ANKRD30BL: variants seen among roughly 807,000 people sequenced by gnomAD.
ANKRD30BL encodes the protein putative ankyrin repeat domain-containing protein 30B-like.
In ANKRD30BL, 20 loss-of-function variants were observed where a neutral mutation model predicts 18.4. The observed-to-expected ratio is 1.09, with a 90% CI of 0.77 to 1.58. The LOEUF (loss-of-function observed/expected upper bound fraction) is 1.58. Among genes scored for constraint, ANKRD30BL ranks in the 40% most tolerant of loss-of-function variants. The pLI, the probability that ANKRD30BL is intolerant of heterozygous loss-of-function variation, is 0.00. For synonymous variants in ANKRD30BL, 72 were observed against 100.9 expected, an observed-to-expected ratio of 0.71 and a Z score of 1.72; for missense variants, 224 against 268.6, an observed-to-expected ratio of 0.83 and a Z score of 1.16.
chr2:132,254,073 C>T (rs79098821), intron 1 of ANKRD30BL, among the ~76,000 whole-genome samples: 1 of 147,818 alleles, frequency 6.8e-6, no homozygotes, highest in African/African-American at 2.6e-5. Context: ...CGCCCACCGA[C>T]ACACACATGG....
At chr2:132,245,314 T>C (rs202160571) in intron 1 of ANKRD30BL, among the ~76,000 whole-genome samples, 1 of 152,250 alleles carries the variant, frequency 6.6e-6, no homozygotes, top group Non-Finnish European at 1.5e-5. Context: ...AACTTCTTTG[T>C]GATGTTTGCA....
At chr2:132,212,488 A>G (rs533218817) in intron 1 of ANKRD30BL, among the ~76,000 whole-genome samples, 1 of 152,068 alleles carries the variant, frequency 6.6e-6, no homozygotes, top group South Asian at 2.1e-4. Flanking sequence ...AAAACTGTTC[A>G]GAAACATTCT....
chr2:132,182,368 G>A (rs1251947649), intron 1 of ANKRD30BL, among the ~76,000 whole-genome samples: 1 of 151,574 alleles, frequency 6.6e-6, no homozygotes, highest in Non-Finnish European at 1.5e-5. Flanking sequence ...TGTAGTCCCA[G>A]CTAATCAGGA....
chr2:132,248,951 A>G (rs1194385696), intron 1 of ANKRD30BL, among the ~76,000 whole-genome samples: 1 of 152,112 alleles, frequency 6.6e-6, no homozygotes. Flanking sequence ...GTTTTATGTG[A>G]TGATATTTCC....
chr2:132,222,426 G>A (rs543057612), intron 1 of ANKRD30BL, among the ~76,000 whole-genome samples: 2 of 152,136 alleles, frequency 1.3e-5, no homozygotes, highest in Non-Finnish European at 2.9e-5. Context: ...TTGAGAAATC[G>A]GATGGTTGCC....
chr2:132,218,421 T>C (rs1679571632), intron 1 of ANKRD30BL, among the ~76,000 whole-genome samples: 1 of 151,868 alleles, frequency 6.6e-6, no homozygotes. Flanking sequence ...GAGCAGATAT[T>C]TAGAGAGCTT....
At chr2:132,196,406 C>T (rs999597673) in intron 1 of ANKRD30BL, among the ~76,000 whole-genome samples, 151 of 151,998 alleles carry the variant, frequency 9.9e-4, no homozygotes, top group African/African-American at 3.5e-3. Flanking sequence ...GCAGAGATCA[C>T]GCCATTGCAC....
chr2:132,169,976 C>T (rs970948800), intron 1 of ANKRD30BL, among the ~76,000 whole-genome samples: 2 of 151,784 alleles, frequency 1.3e-5, no homozygotes, highest in African/African-American at 4.8e-5. Flanking sequence ...TATTTTTTGC[C>T]TCATTGGTAG....
chr2:132,154,365 A>C (rs764344833), intron 4 of ANKRD30BL, among the ~76,000 whole-genome samples: 1 of 152,256 alleles, frequency 6.6e-6, no homozygotes, highest in African/African-American at 2.4e-5. Context: ...CTAAAAATTC[A>C]TACTTCTTAA....
chr2:132,180,196 G>T (rs1688437792), intron 1 of ANKRD30BL, among the ~76,000 whole-genome samples: 1 of 149,576 alleles, frequency 6.7e-6, no homozygotes, highest in African/African-American at 2.5e-5. Context: ...TCCATTCATG[G>T]TAAGTGCCCT....
intron 1 of ANKRD30BL, among the ~76,000 whole-genome samples, chr2:132,235,660 T>A (rs1337915879): frequency 6.6e-6 from 1 of 152,066 alleles, no homozygotes; most frequent in Non-Finnish European, 1.5e-5. Context: ...CAAGGAGAAC[T>A]ACAAACCACT....
intron 1 of ANKRD30BL, among the ~76,000 whole-genome samples, chr2:132,182,472 C>T (rs189754803): frequency 0.038 from 5,704 of 150,030 alleles, 373 homozygotes; most frequent in African/African-American, 0.13. Context: ...CAGAGCAAGA[C>T]TCCATCTCAG....
chr2:132,224,494 G>T lies in ANKRD30BL; in HGVS notation n.441+33035C>A, dbSNP rs546768654. On this transcript the variant is annotated intron_variant and non_coding_transcript_variant, in intron 1 of 4. Transcript: ENST00000470729. ...TATCTTCACATAAGTACTGGACAGA[G>T]GCATTCTCAGAAACTTCTTTGTGAT... Among the ~76,000 whole-genome samples, 3 of 148,384 alleles carry T rather than the reference G, an allele frequency of 2.0e-5. No homozygotes were observed. The East Asian group carries it at 6.1e-4, about 30-fold the overall frequency.
chr2:132,236,754 A>T (rs1373142865), intron 1 of ANKRD30BL, among the ~76,000 whole-genome samples: 1 of 152,120 alleles, frequency 6.6e-6, no homozygotes, highest in East Asian at 1.9e-4. Context: ...ATACCATTTG[A>T]CCCAGCCATC....
chr2:132,248,619 C>A (rs375683208), intron 1 of ANKRD30BL, among the ~76,000 whole-genome samples: 1 of 151,778 alleles, frequency 6.6e-6, no homozygotes, highest in African/African-American at 2.4e-5. Context: ...AAGATATTTC[C>A]TTTTTCACCA....
intron 1 of ANKRD30BL, among the ~76,000 whole-genome samples, chr2:132,181,028 C>T (rs374873254): frequency 2.6e-5 from 4 of 151,952 alleles, no homozygotes; most frequent in Admixed American, 1.3e-4. Context: ...GCTGTAGTCC[C>T]AGCTACTTGG....
chr2:132,257,276 G>A (rs959462901), intron 1 of ANKRD30BL, among the ~76,000 whole-genome samples: 1 of 152,234 alleles, frequency 6.6e-6, no homozygotes, highest in African/African-American at 2.4e-5. Context: ...ACGCAAACAC[G>A]GTCGTCGGCA....
At chr2:132,194,034 C>A (rs1045802624) in intron 1 of ANKRD30BL, among the ~76,000 whole-genome samples, 9 of 108,842 alleles carry the variant, frequency 8.3e-5, no homozygotes, top group Admixed American at 6.7e-4. Flanking sequence ...GAGATAATTT[C>A]TCTCTCTCTC....
At chr2:132,160,401 C>CTT (rs33924872) in intron 1 of ANKRD30BL, among the ~76,000 whole-genome samples, 9,705 of 97,400 alleles carry the variant, frequency 0.1, 651 homozygotes, top group East Asian at 0.21. Flanking sequence ...ACGCCTGGCC[C>CTT]TTTTTTTTTT....
Sources: allele counts gnomAD v4.1 joint callset (sites outside exome capture counted in the v4.1 genomes callset), GRCh38; gene constraint gnomAD v4.1.1; transcripts MANE v1.5; gene names NCBI Gene and HGNC (gene_info 2026-07-23, HGNC 2026-07-21).